AKIRIN2: variants seen among roughly 807,000 people sequenced by gnomAD.
The protein encoded by AKIRIN2 is akirin 2.
A neutral mutation model predicts 29.3 loss-of-function variants in AKIRIN2; 6 were observed. That is an observed-to-expected ratio of 0.20 (90% CI 0.11 to 0.40). AKIRIN2 has a LOEUF of 0.40. AKIRIN2 is among the 10% of genes least tolerant of loss of function. The probability of loss-of-function intolerance (pLI) is 1.00; values close to 1 mark genes in which losing one functional copy is unlikely to be tolerated. For synonymous variants in AKIRIN2, 128 were observed against 117.5 expected (o/e 1.09, Z -0.58); for missense variants, 210 against 276.1 (o/e 0.76, Z 1.70).
intron 2 of AKIRIN2, 133 bp from the exon 3 acceptor site, chr6:87,678,100 G>T: frequency 1.2e-6 from 1 of 809,858 alleles, no homozygotes. Context: ...TTTAAGCACA[G>T]CATTTCACAA....
Position 87,701,626 on chromosome 6 carries a change from G to T in AKIRIN2, c.59C>A (p.Ala20Glu). The change falls in exon 1 of 5, where the codon GCG (alanine) becomes GAG (glutamate). Residue 20 changes from alanine (A) to glutamate (E), a missense_variant. Physicochemically the swap from Ala to Glu is moderately radical, Grantham distance 107. Coordinates refer to ENST00000257787, the MANE Select transcript of AKIRIN2 (RefSeq NM_018064.4). Reference protein sequence around the residue: ...TLDFDPLLSPASPKRRRCAPL... With the variant: ...TLDFDPLLSPESPKRRRCAPL... ...CGCACATCGCCTGCGCTTCGGGGAC[G>T]CCGGGCTCAACAGCGGGTCGAAATC... 1.0e-5 allele frequency: 15 copies of T among 1,459,794 alleles called. No homozygotes were observed. The highest frequency in any genetic ancestry group is 1.4e-5 in the Non-Finnish European group (15 of 1,109,270). 90.4% of individuals were successfully genotyped at this position (1,459,794 alleles called of 1,614,324 possible).
chr6:87,696,268 C>T (rs781103862), intron 1 of AKIRIN2, among the ~76,000 whole-genome samples: 1 of 152,164 alleles, frequency 6.6e-6, no homozygotes, highest in Non-Finnish European at 1.5e-5. Context: ...TATTATTCTC[C>T]TTTACATCTC....
At chr6:87,693,457 C>T (rs1771310019) in intron 1 of AKIRIN2, among the ~76,000 whole-genome samples, 1 of 152,108 alleles carries the variant, frequency 6.6e-6, no homozygotes, top group Non-Finnish European at 1.5e-5. Flanking sequence ...TGGCCGGGCG[C>T]GGTGGCTCAC....
intron 1 of AKIRIN2, among the ~76,000 whole-genome samples, chr6:87,694,008 ACAGT>A: frequency 6.6e-6 from 1 of 152,328 alleles, no homozygotes; most frequent in Admixed American, 6.5e-5. Flanking sequence ...GTTCAGGGGG[ACAGT>A]AATGTTTGAA....
intron 1 of AKIRIN2, among the ~76,000 whole-genome samples, chr6:87,693,724 CAAAA>C (rs34150167): frequency 4.0e-5 from 4 of 101,144 alleles, no homozygotes; most frequent in African/African-American, 3.4e-5. Context: ...GACTCTGTCT[CAAAA>C]AAAAAAAAAA....
At chr6:87,691,405 C>A (rs1771276071) in intron 1 of AKIRIN2, among the ~76,000 whole-genome samples, 1 of 143,308 alleles carries the variant, frequency 7.0e-6, no homozygotes, top group East Asian at 2.1e-4. Context: ...CGCACCACTG[C>A]ACTCCAGCCT....
chr6:87,679,336 G>A (rs866888939), intron 2 of AKIRIN2, among the ~76,000 whole-genome samples: 1 of 151,814 alleles, frequency 6.6e-6, no homozygotes, highest in African/African-American at 2.4e-5. Context: ...GCCAGCCTGC[G>A]CAACATGGCA....
intron 1 of AKIRIN2, among the ~76,000 whole-genome samples, chr6:87,688,995 T>C (rs1341602988): frequency 6.6e-6 from 1 of 152,196 alleles, no homozygotes; most frequent in African/African-American, 2.4e-5. Context: ...TGAAAGAATT[T>C]GACCTTGTAG....
At chr6:87,676,596 AACACACACACACACACACAC>A (rs112353955) in intron 3 of AKIRIN2, among the ~76,000 whole-genome samples, 4 of 142,046 alleles carry the variant, frequency 2.8e-5, no homozygotes, top group Non-Finnish European at 6.0e-5. Flanking sequence ...CTCTACTAAA[AACACACACACACACACACAC>A]ACACACACAC....
rs2787926 is a variant in AKIRIN2 at position 87,701,866 on chromosome 6, G to A, written c.-182C>T. 0.075 allele frequency: 34,159 copies of A among 453,800 alleles called. 1,443 individuals are homozygous for A. Among genetic ancestry groups the A allele is most frequent in the African/African-American group, 0.14 (6,941 of 49,022 alleles). The allele number at this position is 453,800 out of a possible 1,614,324, so 28.1% of individuals were successfully genotyped here. ...AGCCGCTGCCGCCGCTGCCTCCGCG[G>A]CAGGGGCAGTGGCCAGGGACGGCCC... is the stretch of plus-strand genomic sequence containing the variant. On this transcript the variant is annotated 5_prime_UTR_variant, in exon 1 of 5. Transcript: ENST00000257787.
rs1287550661 is a variant in AKIRIN2, at chr6:87,701,499, G to A, written c.186C>T (p.Leu62=). Reference sequence around the variant, plus strand: ...CGCCGAAGGGGGATGGCTCCATTCGGAGATACTTCTGCGGCGAGGCGGCCG... The same window carrying A: ...CGCCGAAGGGGGATGGCTCCATTCGAAGATACTTCTGCGGCGAGGCGGCCG... ...SAAAASPQKY[L]RMEPSPFGDV... is the part of the protein sequence containing the mutation. The change falls in exon 1 of 5, where the codon CTC becomes CTT. Residue 62 remains leucine, a synonymous_variant. Coordinates refer to ENST00000257787, the MANE Select transcript of AKIRIN2 (RefSeq NM_018064.4). 4 of 1,486,366 alleles carry A rather than the reference G, an allele frequency of 2.7e-6. No individual in the cohort carries two copies. Among genetic ancestry groups the A allele is most frequent in the East Asian group, 5.5e-5 (2 of 36,292 alleles). 92.1% of individuals were successfully genotyped at this position (1,486,366 alleles called of 1,614,324 possible).
At chr6:87,694,142 T>C (rs1297161675) in intron 1 of AKIRIN2, among the ~76,000 whole-genome samples, 1 of 152,170 alleles carries the variant, frequency 6.6e-6, no homozygotes. Flanking sequence ...TAGTTTGATT[T>C]TTTTGAGGGA....
Position 87,677,982 on chromosome 6 carries a change from G to C in AKIRIN2, c.380-15C>G. 7.5e-6 allele frequency: 12 copies of C among 1,597,234 alleles called. No homozygotes were observed. The highest frequency in any genetic ancestry group is 1.0e-5 in the Non-Finnish European group (12 of 1,172,026). On this transcript the variant is annotated splice_polypyrimidine_tract_variant and intron_variant, in intron 2 of 4. Coordinates refer to ENST00000257787, the MANE Select transcript of AKIRIN2 (RefSeq NM_018064.4). ...AGATGAAGTCCCTATGTACAATGAGGACAAAAAATAGCACCTGGTTTAGAG... is the reference window on the plus strand; with the variant it reads ...AGATGAAGTCCCTATGTACAATGAGCACAAAAAATAGCACCTGGTTTAGAG...
chr6:87,701,437 G>A lies in AKIRIN2; in HGVS notation c.235+13C>T, dbSNP rs1478632095. The stretch of plus-strand genomic sequence containing the variant: ...CTCTCCACTACCCCGGCGGCCGCGG[G>A]GCCGGGTCCCACCTGTGGTGAGGCG... On this transcript the variant is annotated intron_variant, in intron 1 of 4. Transcript: ENST00000257787. 7.2e-6 allele frequency: 11 copies of A among 1,531,092 alleles called. No homozygotes were observed. The highest frequency in any genetic ancestry group is 2.2e-4 in the Middle Eastern group (1 of 4,520). 94.8% of individuals were successfully genotyped at this position (1,531,092 alleles called of 1,614,324 possible). A position where few individuals can be genotyped will look rare whatever the true frequency, so the allele number is the denominator to read the frequency against.
intron 1 of AKIRIN2, among the ~76,000 whole-genome samples, chr6:87,682,664 C>G (rs994501854): frequency 1.3e-5 from 2 of 152,118 alleles, no homozygotes; most frequent in Admixed American, 1.3e-4. Context: ...GAAACTACAT[C>G]CCTAGAAGTT....
chr6:87,697,153 A>C (rs542667580), intron 1 of AKIRIN2, among the ~76,000 whole-genome samples: 1 of 151,678 alleles, frequency 6.6e-6, no homozygotes, highest in African/African-American at 2.4e-5. Context: ...TACTAAAAAT[A>C]CAAAACAAAA....
chr6:87,675,731 G>A, intron 4 of AKIRIN2, 124 bp from the exon 5 acceptor site: 1 of 1,451,978 alleles, frequency 6.9e-7, no homozygotes, highest in Non-Finnish European at 9.5e-7. Context: ...AAGTTATGCT[G>A]CCTATTTCCT....
At chr6:87,684,463 C>T (rs1771159961) in intron 1 of AKIRIN2, among the ~76,000 whole-genome samples, 1 of 152,132 alleles carries the variant, frequency 6.6e-6, no homozygotes, top group Non-Finnish European at 1.5e-5. Flanking sequence ...TTGGAACTAA[C>T]GTAACTATGA....
At chr6:87,695,401 T>A (rs1182068432) in intron 1 of AKIRIN2, among the ~76,000 whole-genome samples, 1 of 152,222 alleles carries the variant, frequency 6.6e-6, no homozygotes, top group South Asian at 2.1e-4. Context: ...TACATTTTTT[T>A]CCAACCATAG....
Sources: gnomAD v4.1 joint callset for allele counts (sites outside exome capture counted in the v4.1 genomes callset) on GRCh38, gnomAD v4.1.1 for gene constraint, MANE v1.5 for transcripts, NCBI Gene and HGNC (gene_info 2026-07-23, HGNC 2026-07-21) for gene names.